Variants in KCTD8 observed in about 807,000 individuals in gnomAD.
KCTD8 encodes the protein BTB/POZ domain-containing protein KCTD8.
Under a neutral mutation model 31.5 loss-of-function variants are expected in KCTD8, and 27 were observed. That is an observed-to-expected ratio of 0.86 (90% CI 0.63 to 1.18). KCTD8 has a LOEUF of 1.18. Ranked by LOEUF, KCTD8 falls within the 50% of genes most tolerant of loss-of-function variation. KCTD8 has a pLI of 0.00. For synonymous variants in KCTD8, 290 were observed against 280.0 expected (o/e 1.04, Z -0.36); for missense variants, 658 against 647.7 (o/e 1.02, Z -0.17).
intron 1 of KCTD8, among the ~76,000 whole-genome samples, chr4:44,440,469 A>ATT (rs1241003550): frequency 6.6e-6 from 1 of 152,172 alleles, no homozygotes; most frequent in African/African-American, 2.4e-5. Flanking sequence ...ACAATTATAT[A>ATT]AAGTTTATTG....
chr4:44,329,338 T>C (rs1460457011), intron 1 of KCTD8, among the ~76,000 whole-genome samples: 1 of 151,930 alleles, frequency 6.6e-6, no homozygotes, highest in Non-Finnish European at 1.5e-5. Context: ...AGAGTATTTT[T>C]CTTTATCTTG....
chr4:44,276,310 C>T (rs1716749316), intron 1 of KCTD8, among the ~76,000 whole-genome samples: 1 of 151,928 alleles, frequency 6.6e-6, no homozygotes. Context: ...TATATGTATG[C>T]TTCAAATTAA....
In KCTD8 at chr4:44,251,205, T is replaced by C. The variant is rs558719048; in HGVS notation, c.962-75955A>G. On this transcript the variant is annotated intron_variant, in intron 1 of 1. Transcript: ENST00000360029. ...ACTGAGATATTTATGTCTTCACAGA[T>C]ATCAAAATATTTTAATTGTCACACC... is the stretch of plus-strand genomic sequence containing the variant. Among the ~76,000 whole-genome samples, 4 of 151,822 alleles carry C rather than the reference T, an allele frequency of 2.6e-5. No individual in the cohort carries two copies. The East Asian group carries it at 7.7e-4, about 29-fold the overall frequency.
intron 1 of KCTD8, among the ~76,000 whole-genome samples, chr4:44,377,739 G>C (rs1447761909): frequency 6.6e-6 from 1 of 152,116 alleles, no homozygotes; most frequent in African/African-American, 2.4e-5. Context: ...AGGTAACATG[G>C]CTTCACTGAA....
intron 1 of KCTD8, among the ~76,000 whole-genome samples, chr4:44,264,345 A>T (rs997350222): frequency 6.6e-6 from 1 of 152,182 alleles, no homozygotes; most frequent in Non-Finnish European, 1.5e-5. Flanking sequence ...AATTTAAATC[A>T]CTTAATAGAG....
At chr4:44,322,720 T>G (rs1718328410) in intron 1 of KCTD8, among the ~76,000 whole-genome samples, 1 of 152,084 alleles carries the variant, frequency 6.6e-6, no homozygotes, top group Non-Finnish European at 1.5e-5. Context: ...CACAGTTTCA[T>G]GTGTTACATT....
intron 1 of KCTD8, among the ~76,000 whole-genome samples, chr4:44,366,230 T>C (rs1040107100): frequency 2.0e-5 from 3 of 152,168 alleles, no homozygotes; most frequent in African/African-American, 4.8e-5. Flanking sequence ...GGGACCTCCA[T>C]GAAGGAGACT....
intron 1 of KCTD8, among the ~76,000 whole-genome samples, chr4:44,232,235 T>C (rs1715140386): frequency 6.6e-6 from 1 of 152,194 alleles, no homozygotes; most frequent in East Asian, 1.9e-4. Flanking sequence ...TTTCTCTCTC[T>C]GCCTCAAATG....
chr4:44,446,070 T>C (rs1013112750), intron 1 of KCTD8, among the ~76,000 whole-genome samples: 1 of 152,194 alleles, frequency 6.6e-6, no homozygotes, highest in Non-Finnish European at 1.5e-5. Flanking sequence ...TGCTTCTCTG[T>C]TGAAACCGTT....
intron 1 of KCTD8, among the ~76,000 whole-genome samples, chr4:44,437,179 T>C (rs1291195906): frequency 2.0e-5 from 3 of 152,106 alleles, no homozygotes; most frequent in African/African-American, 7.2e-5. Flanking sequence ...TGTGTATGTC[T>C]GCAGAGGCAA....
intron 1 of KCTD8, among the ~76,000 whole-genome samples, chr4:44,333,944 A>G (rs1177516183): frequency 1.3e-5 from 2 of 152,162 alleles, no homozygotes; most frequent in South Asian, 2.1e-4. Flanking sequence ...AAAAGGTATA[A>G]TCAAAATACA....
chr4:44,302,792 G>C (rs1366012417), intron 1 of KCTD8, among the ~76,000 whole-genome samples: 1 of 151,828 alleles, frequency 6.6e-6, no homozygotes, highest in Non-Finnish European at 1.5e-5. Context: ...TCCCTGTCTT[G>C]TGCCAGTTTT....
Position 44,367,538 on chromosome 4 carries a change from A to G in KCTD8, c.961+80025T>C, listed in dbSNP as rs552371888. ...TTATAAAGAAGTACTTTCAAATACC[A>G]GAAAAATTAGAGTAAAAGGTATTTC... is the stretch of plus-strand genomic sequence containing the variant. On this transcript the variant is annotated intron_variant, in intron 1 of 1. Transcript: ENST00000360029. Among the ~76,000 whole-genome samples the G allele has an allele frequency of 2.6e-5, 4 of 152,338 alleles. No homozygotes were observed. In the South Asian group the frequency reaches 8.3e-4, roughly 32 times the overall value.
chr4:44,177,292 C>T (rs1439315589), intron 1 of KCTD8, among the ~76,000 whole-genome samples: 4 of 152,096 alleles, frequency 2.6e-5, no homozygotes, highest in East Asian at 1.9e-4. Context: ...ACCCCACCCC[C>T]AGGAATGTGA....
intron 1 of KCTD8, among the ~76,000 whole-genome samples, chr4:44,235,842 C>T (rs1305868006): frequency 6.6e-6 from 1 of 151,852 alleles, no homozygotes; most frequent in African/African-American, 2.4e-5. Flanking sequence ...TTATGCACAG[C>T]TTTCACCTTG....
intron 1 of KCTD8, among the ~76,000 whole-genome samples, chr4:44,270,014 C>T (rs1716530852): frequency 1.3e-5 from 2 of 152,002 alleles, no homozygotes; most frequent in African/African-American, 4.8e-5. Context: ...CTAGAAATAC[C>T]ATTTGACCCA....
chr4:44,182,550 G>C (rs1004553587), intron 1 of KCTD8, among the ~76,000 whole-genome samples: 1 of 152,060 alleles, frequency 6.6e-6, no homozygotes, highest in South Asian at 2.1e-4. Context: ...GATTAAGGGC[G>C]GTGCAAGATG....
chr4:44,218,397 G>A (rs1430669404), intron 1 of KCTD8, among the ~76,000 whole-genome samples: 1 of 151,504 alleles, frequency 6.6e-6, no homozygotes. Context: ...GCCTCCCAAA[G>A]TGGTGGGAGT....
intron 1 of KCTD8, among the ~76,000 whole-genome samples, chr4:44,365,752 A>G (rs1257867878): frequency 6.6e-6 from 1 of 152,224 alleles, no homozygotes; most frequent in East Asian, 1.9e-4. Context: ...CACATTACCC[A>G]GCAATCTCAT....
Sources: allele counts gnomAD v4.1 joint callset (sites outside exome capture counted in the v4.1 genomes callset), GRCh38; gene constraint gnomAD v4.1.1; transcripts MANE v1.5; gene names NCBI Gene and HGNC (gene_info 2026-07-23, HGNC 2026-07-21).